Variants in XDH observed in about 807,000 individuals in gnomAD.
The protein encoded by XDH is xanthine dehydrogenase, also known as xanthine dehydrogenase/oxidase.
XDH carries 138 observed loss-of-function variants against 156.1 expected under a neutral mutation model. That is an observed-to-expected ratio of 0.88 (90% CI 0.77 to 1.02). XDH has a LOEUF of 1.02. Among genes scored for constraint, XDH ranks in the 50% least tolerant of loss-of-function variants. The pLI is 0.00. For missense variants in XDH, 1,849 were observed against 1,684.9 expected (o/e 1.10, Z -1.71); for synonymous variants, 669 against 625.7 (o/e 1.07, Z -1.03).
chr2:31,403,306 G>A (rs1195742350), intron 2 of XDH, among the ~76,000 whole-genome samples, 162 bp from the exon 3 acceptor site: 1 of 152,158 alleles, frequency 6.6e-6, no homozygotes, highest in Non-Finnish European at 1.5e-5. Flanking sequence ...TTATTCAGAG[G>A]GGCTGCACTG....
intron 6 of XDH, among the ~76,000 whole-genome samples, chr2:31,390,542 T>C (rs1320881630): frequency 6.6e-6 from 1 of 152,228 alleles, no homozygotes. Context: ...GTGTGATCAC[T>C]GAGGTGCATG....
chr2:31,371,312 ATCCTAATTCCCATT>A (rs1686064930), intron 17 of XDH, among the ~76,000 whole-genome samples: 2 of 152,256 alleles, frequency 1.3e-5, no homozygotes, highest in South Asian at 4.1e-4. Flanking sequence ...GAAAGTACTT[ATCCTAATTCCCATT>A]TTATGTTTGG....
intron 15 of XDH, among the ~76,000 whole-genome samples, chr2:31,375,107 C>A (rs1326141314): frequency 7.0e-6 from 1 of 143,596 alleles, no homozygotes; most frequent in Non-Finnish European, 1.5e-5. Flanking sequence ...CTCACTGCAA[C>A]CTCCACCTCC....
Position 31,368,647 on chromosome 2 carries a change from C to G in XDH, c.1994G>C (p.Gly665Ala). 1 of 1,614,144 alleles carries G rather than the reference C, an allele frequency of 6.2e-7. No individual in the cohort carries two copies. Among genetic ancestry groups the G allele is most frequent in the Non-Finnish European group, 8.5e-7 (1 of 1,180,028 alleles). The change falls in exon 19 of 36, where the codon GGG becomes GCG. Residue 665 changes from glycine (G) to alanine (A), a missense_variant. Physicochemically the swap from Gly to Ala is moderately conservative, Grantham distance 60 (BLOSUM62 0). Coordinates refer to ENST00000379416, the MANE Select transcript of XDH (RefSeq NM_000379.4). ...VFAKDKVTCVGHIIGAVVADT... is the reference protein window; with the variant it reads ...VFAKDKVTCVAHIIGAVVADT... Reference sequence around the variant, plus strand: ...AGCAACCACAGCACCAATGATATGCCCAACACAAGTAACCTAGTAGCAGAG... The same window carrying G: ...AGCAACCACAGCACCAATGATATGCGCAACACAAGTAACCTAGTAGCAGAG...
intron 3 of XDH, among the ~76,000 whole-genome samples, chr2:31,402,332 A>G (rs1687081975): frequency 6.6e-6 from 1 of 152,098 alleles, no homozygotes; most frequent in South Asian, 2.1e-4. Context: ...TCCTGCTTGC[A>G]TTTCCCTGGT....
chr2:31,386,988 A>AAAGGAAGGAAGGAAGGAAGGAAGGAAGG (rs72299308), intron 8 of XDH, among the ~76,000 whole-genome samples: 2 of 90,436 alleles, frequency 2.2e-5, no homozygotes, highest in Non-Finnish European at 4.2e-5. Flanking sequence ...GGGAGGGAAG[A>AAAGGAAGGAAGGAAGGAAGGAAGGAAGG]AAGGAAGGAA....
At position 31,365,711 on chromosome 2, in the gene XDH, A is replaced by G. The variant is rs17011356; in HGVS notation, c.2457-167T>C. On this transcript the variant is annotated intron_variant, in intron 22 of 35. Transcript: ENST00000379416. ...GGCACTGTGATAGACAAGGTGGAGA[A>G]TATAAGGAAGCGAGGTATGTGCTTT... 0.3 allele frequency among the ~76,000 whole-genome samples: 46,158 copies of G among 152,092 alleles called. 7,342 individuals carry two copies. The highest frequency in any genetic ancestry group is 0.34 in the Non-Finnish European group (23,317 of 67,956).
intron 3 of XDH, 68 bp downstream of exon 3, chr2:31,402,980 C>A: frequency 6.4e-7 from 1 of 1,554,874 alleles, no homozygotes; most frequent in Non-Finnish European, 8.9e-7. Flanking sequence ...TACACTCATG[C>A]ACTCCCTCAC....
At position 31,398,602 on chromosome 2, in the gene XDH, G is replaced by T; in HGVS notation, c.404C>A (p.Thr135Asn). 1.9e-6 allele frequency: 3 copies of T among 1,614,154 alleles called. No homozygotes were observed. The highest frequency in any genetic ancestry group is 2.5e-6 in the Non-Finnish European group (3 of 1,180,004). The change falls in exon 5 of 36, where the codon ACC becomes AAC. Residue 135 changes from threonine to asparagine, a missense_variant. By Grantham distance (65) the Thr-to-Asn change is moderately conservative. Transcript: ENST00000379416. ...YTLLRNQPEPTMEEIENAFQG... is the reference protein window; with the variant it reads ...YTLLRNQPEPNMEEIENAFQG... ...GAAGGCATTCTCAATCTCCTCCATG[G>T]TGGGCTCGGGCTGATTCCGGAGCAG...
At chr2:31,359,762 C>T (rs1351130037) in intron 24 of XDH, among the ~76,000 whole-genome samples, 1 of 152,096 alleles carries the variant, frequency 6.6e-6, no homozygotes, top group African/African-American at 2.4e-5. Flanking sequence ...GGGAATGTGG[C>T]TCAAATTAAT....
rs111954967 is a variant in XDH at position 31,408,803 on chromosome 2, G to A, written c.43-2839C>T. Among the ~76,000 whole-genome samples, 966 of 152,230 alleles carry A rather than the reference G, an allele frequency of 6.3e-3. 4 individuals carry two copies. The highest frequency in any genetic ancestry group is 9.4e-3 in the Non-Finnish European group (642 of 68,006). ...TGCTGGGTATATACACAAAAGAAAGGAAGTCAGTATATAAAACAGATACCT... is the reference window on the plus strand; with the variant it reads ...TGCTGGGTATATACACAAAAGAAAGAAAGTCAGTATATAAAACAGATACCT... On this transcript the variant is annotated intron_variant, in intron 1 of 35. Coordinates refer to ENST00000379416, the MANE Select transcript of XDH (RefSeq NM_000379.4).
At chr2:31,347,157 C>T (rs1685320141) in intron 29 of XDH, among the ~76,000 whole-genome samples, 1 of 152,148 alleles carries the variant, frequency 6.6e-6, no homozygotes, top group South Asian at 2.1e-4. Flanking sequence ...GATTATATCC[C>T]CCATATGGCA....
intron 6 of XDH, among the ~76,000 whole-genome samples, chr2:31,393,653 T>A (rs1279506234): frequency 1.3e-5 from 2 of 152,150 alleles, no homozygotes; most frequent in African/African-American, 4.8e-5. Flanking sequence ...ATCTACCATA[T>A]TTGTTATTGT....
rs946343409 is a variant in XDH at position 31,397,815 on chromosome 2, G to A, written c.434-86C>T. The A allele has an allele frequency of 4.7e-6, 7 of 1,490,482 alleles. No homozygotes were observed. The Admixed American group carries it at 5.0e-5, about 11-fold the overall frequency. 92.3% of individuals were successfully genotyped at this position (1,490,482 alleles called of 1,614,324 possible). Reference sequence around the variant, plus strand: ...GTGACTTTGCTTGCAACTAAGTTGGGTGCTCTCTTTACCAGGCTGCATATT... The same window carrying A: ...GTGACTTTGCTTGCAACTAAGTTGGATGCTCTCTTTACCAGGCTGCATATT... On this transcript the variant is annotated intron_variant, in intron 5 of 35. Coordinates refer to ENST00000379416, the MANE Select transcript of XDH (RefSeq NM_000379.4).
intron 24 of XDH, among the ~76,000 whole-genome samples, chr2:31,358,691 T>G (rs1311002935): frequency 2.6e-5 from 4 of 152,052 alleles, no homozygotes; most frequent in African/African-American, 9.7e-5. Context: ...GAAAAAGCAT[T>G]TGACAAAATT....
chr2:31,365,649 C>A (rs76441163), intron 22 of XDH, 105 bp from the exon 23 acceptor site: 147 of 1,340,622 alleles, frequency 1.1e-4, no homozygotes, highest in Non-Finnish European at 1.3e-4. Context: ...TCCACCTGCA[C>A]GCTGAGCAGA....
At chr2:31,382,780 T>C (rs943219088) in intron 11 of XDH, among the ~76,000 whole-genome samples, 1 of 152,116 alleles carries the variant, frequency 6.6e-6, no homozygotes, top group African/African-American at 2.4e-5. Flanking sequence ...ACCACCTTCA[T>C]CAGAAGCACC....
rs1285806118 is a variant in XDH at position 31,373,715 on chromosome 2, C to T, written c.1686+158G>A. ...AGAAATAGTGACATTAACATCTATA[C>T]GATTCCCATTTTCTTCACTGGGTAT... On this transcript the variant is annotated intron_variant, in intron 16 of 35. Transcript: ENST00000379416. Among the ~76,000 whole-genome samples the T allele has an allele frequency of 2.0e-5, 3 of 152,072 alleles. No homozygotes were observed. The South Asian group carries it at 6.2e-4, about 32-fold the overall frequency.
chr2:31,374,790 C>T (rs1322842216), intron 15 of XDH, among the ~76,000 whole-genome samples: 1 of 152,050 alleles, frequency 6.6e-6, no homozygotes, highest in African/African-American at 2.4e-5. Context: ...GAGCTGCCCC[C>T]TAGCACCTCA....
Sources: gnomAD v4.1 joint callset for allele counts (sites outside exome capture counted in the v4.1 genomes callset) on GRCh38, gnomAD v4.1.1 for gene constraint, MANE v1.5 for transcripts, NCBI Gene and HGNC (gene_info 2026-07-23, HGNC 2026-07-21) for gene names.